The following MCIDAS variants were observed in gnomAD, a reference collection of about 807,000 sequenced individuals.
MCIDAS encodes multiciliate differentiation and DNA synthesis associated cell cycle protein.
MCIDAS carries 23 observed loss-of-function variants against 35.4 expected under a neutral mutation model. The ratio of observed to expected loss-of-function variants is 0.65; its 90% CI spans 0.47 to 0.92. The LOEUF (loss-of-function observed/expected upper bound fraction) is 0.92, where lower values mean the gene tolerates loss of function less well. Among genes scored for constraint, MCIDAS ranks in the 40% least tolerant of loss-of-function variants. MCIDAS has a pLI of 0.00. For synonymous variants in MCIDAS, 228 were observed against 235.2 expected, an observed-to-expected ratio of 0.97 and a Z score of 0.28; for missense variants, 480 against 531.8, an observed-to-expected ratio of 0.90 and a Z score of 0.96.
chr5:55,220,992 C>G, intron 6 of MCIDAS, 24 bp downstream of exon 6: 3 of 1,527,102 alleles, frequency 2.0e-6, no homozygotes, highest in Middle Eastern at 1.7e-4. Context: ...TGCTGCAGTT[C>G]CCACACGCCC....
At chr5:55,225,308 C>A (rs1198277652) in intron 3 of MCIDAS, among the ~76,000 whole-genome samples, 1 of 152,220 alleles carries the variant, frequency 6.6e-6, no homozygotes, top group Non-Finnish European at 1.5e-5. Context: ...GAAAAAAATT[C>A]TAACAAAGAG....
chr5:55,225,143 G>T (rs1745434390), intron 3 of MCIDAS, among the ~76,000 whole-genome samples: 1 of 152,180 alleles, frequency 6.6e-6, no homozygotes, highest in Non-Finnish European at 1.5e-5. Flanking sequence ...GGGAGGTCCA[G>T]GTTGCAGTGA....
At chr5:55,221,186 C>A in intron 5 of MCIDAS, 60 bp from the exon 6 acceptor site, 1 of 1,268,770 alleles carries the variant, frequency 7.9e-7, no homozygotes, top group Non-Finnish European at 1.1e-6. Context: ...GTCTGCATAT[C>A]TGGCATGAAT....
rs1312679663 is a variant in MCIDAS, at chr5:55,220,741, C to A, written c.783G>T (p.Lys261Asn). 2 of 1,535,606 alleles carry A rather than the reference C, an allele frequency of 1.3e-6. No individual in the cohort carries two copies. Among genetic ancestry groups the A allele is most frequent in the Non-Finnish European group, 1.7e-6 (2 of 1,146,550 alleles). ...CCAACTCCTCCAGGCTCCTTTTGGC[C>A]TTCGCCTTGAGCAGGAAGGGCTCGG... ...AAAEPFLLKA[K>N]AKRSLEELVS... The change falls in exon 7 of 7, where the codon AAG (lysine) becomes AAT (asparagine). Residue 261 changes from lysine to asparagine, a missense_variant. By Grantham distance (94) the Lys-to-Asn change is moderately conservative. Coordinates refer to ENST00000513312, the MANE Select transcript of MCIDAS (RefSeq NM_001190787.3).
chr5:55,226,971 G>C, intron 1 of MCIDAS, 40 bp from the exon 2 acceptor site: 1 of 1,502,344 alleles, frequency 6.7e-7, no homozygotes, highest in Non-Finnish European at 8.8e-7. Flanking sequence ...GTCAGCCCTC[G>C]GGGCACCGAG....
intron 5 of MCIDAS, 89 bp downstream of exon 5, chr5:55,222,087 A>G: frequency 1.0e-4 from 118 of 1,143,516 alleles, no homozygotes; most frequent in Middle Eastern, 2.8e-4. Context: ...GACTCACAGG[A>G]CCTCATCTTC....
chr5:55,223,104 A>ATTT lies in MCIDAS; in HGVS notation c.310-82_310-81insAAA. 8.4e-7 allele frequency: 1 copy of ATTT among 1,185,022 alleles called. No individual in the cohort carries two copies. The highest frequency in any genetic ancestry group is 1.2e-6 in the Non-Finnish European group (1 of 828,986). The allele number at this position is 1,185,022 out of a possible 1,614,324, so 73.4% of individuals were successfully genotyped here. On this transcript the variant is annotated intron_variant, in intron 3 of 6. Coordinates refer to ENST00000513312, the MANE Select transcript of MCIDAS (RefSeq NM_001190787.3). The surrounding 1 kb of genome is among the most constrained non-coding windows in gnomAD (Gnocchi z 4.4). Reference sequence around the variant, plus strand: ...AATAAATATTGGCGTCCCTGTTAAAAATCTGGCAGGCACTATGCAATATAT... The same window carrying ATTT: ...AATAAATATTGGCGTCCCTGTTAAAATTTATCTGGCAGGCACTATGCAATATAT...
chr5:55,221,364 G>A (rs1479925968), intron 5 of MCIDAS, among the ~76,000 whole-genome samples: 1 of 152,092 alleles, frequency 6.6e-6, no homozygotes, highest in African/African-American at 2.4e-5. Context: ...TTGGGCAACA[G>A]GCAGATCTAG....
intron 3 of MCIDAS, among the ~76,000 whole-genome samples, chr5:55,225,860 G>A (rs147519193): frequency 7.9e-5 from 12 of 152,284 alleles, no homozygotes; most frequent in Non-Finnish European, 1.5e-4. Flanking sequence ...TCTCTGCCTG[G>A]GAAGCGTCAG....
rs1475606765 is a variant in MCIDAS at position 55,221,109 on chromosome 5, G to A, written c.624C>T (p.Thr208=). 1 of 1,536,058 alleles carries A rather than the reference G, an allele frequency of 6.5e-7. No individual in the cohort carries two copies. The highest frequency in any genetic ancestry group is 1.2e-5 in the South Asian group (1 of 84,056). The change falls in exon 6 of 7, where the codon ACC becomes ACT. Residue 208 remains threonine (T), a synonymous_variant. Transcript: ENST00000513312. ...GCGAGGCGATCTCCTCCTGTTTCTG[G>A]GTCAATGTCACGTGCAGCTGCAGGA... ...VENNQLHVTL[T]QKQEEIASLK...
chr5:55,224,334 AT>A (rs1745417874), intron 3 of MCIDAS, among the ~76,000 whole-genome samples: 1 of 152,088 alleles, frequency 6.6e-6, no homozygotes, highest in South Asian at 2.1e-4. Flanking sequence ...TCATACTGTT[AT>A]CCCCAAAGCC....
intron 3 of MCIDAS, among the ~76,000 whole-genome samples, chr5:55,225,125 C>T (rs940483010): frequency 6.6e-6 from 1 of 152,130 alleles, no homozygotes; most frequent in African/African-American, 2.4e-5. Context: ...GGAGGATCGC[C>T]TGAGCCTGGG....
chr5:55,219,576 T>TATTTTTCTTAAAACA lies in MCIDAS; in HGVS notation c.*789_*790insTGTTTTAAGAAAAAT. 1 of 150,584 alleles carries TATTTTTCTTAAAACA rather than the reference T, an allele frequency of 6.6e-6. No homozygotes were observed. Among genetic ancestry groups the TATTTTTCTTAAAACA allele is most frequent in the Non-Finnish European group, 1.5e-5 (1 of 67,672 alleles). 9.3% of individuals were successfully genotyped at this position (150,584 alleles called of 1,614,324 possible). ...AAAGGGAACACTCTTTTTCATGCGG[T>TATTTTTCTTAAAACA]ATATGCTATTTTCTTAAAACAATAT... On this transcript the variant is annotated 3_prime_UTR_variant, in exon 7 of 7. Transcript: ENST00000513312.
chr5:55,226,701 G>A lies in MCIDAS; in HGVS notation c.218-34C>T, dbSNP rs994601232. ...GGAGACCGGGAGACACGCGCCGGGC[G>A]GGCCCTGAGCCTCTCCGCCAGGCTC... is the stretch of plus-strand genomic sequence containing the variant. On this transcript the variant is annotated intron_variant, in intron 2 of 6. Coordinates refer to ENST00000513312, the MANE Select transcript of MCIDAS (RefSeq NM_001190787.3). 15 of 1,463,556 alleles carry A rather than the reference G, an allele frequency of 1.0e-5. No individual in the cohort carries two copies. The African/African-American group carries it at 1.4e-4, about 14-fold the overall frequency. 90.7% of individuals were successfully genotyped at this position (1,463,556 alleles called of 1,614,324 possible). A position where few individuals can be genotyped will look rare whatever the true frequency, so the allele number is the denominator to read the frequency against.
chr5:55,225,762 T>G (rs529677776), intron 3 of MCIDAS, among the ~76,000 whole-genome samples: 1 of 152,250 alleles, frequency 6.6e-6, no homozygotes, highest in Admixed American at 6.5e-5. Flanking sequence ...TTGCATCTGT[T>G]TAAGACCTCC....
At chr5:55,222,096 T>C in intron 5 of MCIDAS, 80 bp downstream of exon 5, 1 of 1,357,078 alleles carries the variant, frequency 7.4e-7, no homozygotes, top group African/African-American at 1.4e-5. Context: ...GACCTCATCT[T>C]CTCCCTTGCA....
intron 5 of MCIDAS, 90 bp downstream of exon 5, chr5:55,222,086 G>GA: frequency 8.1e-7 from 1 of 1,235,164 alleles, no homozygotes; most frequent in South Asian, 1.3e-5. Flanking sequence ...CGACTCACAG[G>GA]ACCTCATCTT....
At chr5:55,222,506 T>C in intron 4 of MCIDAS, 107 bp from the exon 5 acceptor site, 2 of 944,580 alleles carry the variant, frequency 2.1e-6, no homozygotes, top group Non-Finnish European at 3.1e-6. Flanking sequence ...TTTTTCTTTA[T>C]TAAATTAAGC....
chr5:55,225,506 C>T (rs1391241734), intron 3 of MCIDAS, among the ~76,000 whole-genome samples: 1 of 152,212 alleles, frequency 6.6e-6, no homozygotes, highest in Admixed American at 6.5e-5. Flanking sequence ...ATTAAATGTC[C>T]TCTGCAGTGC....
Sources: allele counts gnomAD v4.1 joint callset (sites outside exome capture counted in the v4.1 genomes callset), GRCh38; gene constraint gnomAD v4.1.1; non-coding constraint Gnocchi (gnomAD v3.1); transcripts MANE v1.5; gene names NCBI Gene and HGNC (gene_info 2026-07-23, HGNC 2026-07-21).